Variants in FGF13 observed in about 807,000 individuals in gnomAD.
FGF13 encodes the protein fibroblast growth factor 13, also known as fibroblast growth factor homologous factor 2.
FGF13 carries 2 observed loss-of-function variants against 19.5 expected under a neutral mutation model. The ratio of observed to expected loss-of-function variants is 0.10; its 90% CI spans 0.04 to 0.32. The LOEUF (loss-of-function observed/expected upper bound fraction) is 0.32, where lower values mean the gene tolerates loss of function less well. Among genes scored for constraint, FGF13 ranks in the 10% least tolerant of loss-of-function variants. The probability of loss-of-function intolerance (pLI) is 1.00; values close to 1 mark genes in which losing one functional copy is unlikely to be tolerated. For synonymous variants in FGF13, 72 were observed against 76.9 expected, an observed-to-expected ratio of 0.94 and a Z score of 0.33; for missense variants, 113 against 192.7, an observed-to-expected ratio of 0.59 and a Z score of 2.45.
rs2089097247 is a variant in FGF13 at position 138,629,734 on chromosome X, C to T, written c.*3116G>A. 1 of 111,070 alleles carries T rather than the reference C, an allele frequency of 9.0e-6. No individual in the cohort carries two copies. Among genetic ancestry groups the T allele is most frequent in the South Asian group, 3.8e-4 (1 of 2,618 alleles). 9.2% of individuals were successfully genotyped at this position (111,070 alleles called of 1,213,427 possible). On this transcript the variant is annotated 3_prime_UTR_variant, in exon 5 of 5. Coordinates refer to ENST00000315930, the MANE Select transcript of FGF13 (RefSeq NM_004114.5). ...CTAATACCAGTGGTTCTCAAAGTCC[C>T]GAGGATCAACAGCCTCAGCATCACC... is the stretch of plus-strand genomic sequence containing the variant.
At chrX:139,075,257 C>G (rs191866408) in intron 1 of FGF13, among the ~76,000 whole-genome samples, 3,797 of 111,601 alleles carry the variant, frequency 0.034, 167 homozygotes, top group African/African-American at 0.12. Context: ...CTCCACTCCT[C>G]TGTTCCTTTG....
At chrX:139,143,920 G>A (rs769848613) in intron 1 of FGF13, among the ~76,000 whole-genome samples, 1 of 111,344 alleles carries the variant, frequency 9.0e-6, no homozygotes, top group South Asian at 3.9e-4. Flanking sequence ...AGGCCCAAAT[G>A]ACTGCCTTTC....
At chrX:138,662,616 C>G (rs983559960) in intron 3 of FGF13, among the ~76,000 whole-genome samples, 1 of 111,864 alleles carries the variant, frequency 8.9e-6, no homozygotes, top group Non-Finnish European at 1.9e-5. Context: ...AATGGCAAAT[C>G]TGACTCCAAA....
At chrX:139,103,566 T>C (rs928038775) in intron 1 of FGF13, among the ~76,000 whole-genome samples, 1 of 110,980 alleles carries the variant, frequency 9.0e-6, no homozygotes, top group African/African-American at 3.3e-5. Context: ...AGCTGAAGGG[T>C]TTGGGCTTCT....
chrX:138,810,836 A>T (rs2090916585), intron 3 of FGF13, among the ~76,000 whole-genome samples: 2 of 112,454 alleles, frequency 1.8e-5, no homozygotes, highest in Non-Finnish European at 3.8e-5. Context: ...CAACAGACAC[A>T]TGAAAAAATG....
At chrX:139,065,481 C>CAAA (rs767805587) in intron 1 of FGF13, among the ~76,000 whole-genome samples, 4 of 30,781 alleles carry the variant, frequency 1.3e-4, no homozygotes, top group African/African-American at 2.8e-4. Flanking sequence ...AAACGGAAAG[C>CAAA]AAAAAAAAAA....
At chrX:139,052,443 C>T (rs2072663297) in intron 1 of FGF13, among the ~76,000 whole-genome samples, 1 of 111,404 alleles carries the variant, frequency 9.0e-6, no homozygotes, top group Non-Finnish European at 1.9e-5. Context: ...CTTTACAGAT[C>T]TTTTTAAGAT....
intron 1 of FGF13, among the ~76,000 whole-genome samples, chrX:138,969,993 C>T (rs1313222337): frequency 9.0e-6 from 1 of 111,014 alleles, no homozygotes; most frequent in Non-Finnish European, 1.9e-5. Context: ...ATGTACACAC[C>T]CCGGATGCTA....
chrX:138,850,471 C>T (rs1189149148), intron 3 of FGF13, among the ~76,000 whole-genome samples: 1 of 111,609 alleles, frequency 9.0e-6, no homozygotes, highest in African/African-American at 3.3e-5. Context: ...ATAGTGTTTA[C>T]TCACTGCTAA....
chrX:138,811,010 G>A (rs1451306063), intron 3 of FGF13, among the ~76,000 whole-genome samples: 1 of 112,175 alleles, frequency 8.9e-6, no homozygotes, highest in East Asian at 2.8e-4. Flanking sequence ...CTGTAAACTA[G>A]TTCAACCATT....
intron 3 of FGF13, among the ~76,000 whole-genome samples, chrX:138,677,927 C>G (rs1469728656): frequency 1.8e-5 from 2 of 111,903 alleles, no homozygotes; most frequent in African/African-American, 6.5e-5. Context: ...TTGGAACCAA[C>G]CCAAATGTCC....
intron 1 of FGF13, among the ~76,000 whole-genome samples, chrX:138,977,215 A>T (rs2091943154): frequency 2.7e-5 from 3 of 111,967 alleles, no homozygotes; most frequent in Admixed American, 1.9e-4. Flanking sequence ...TCTGGCCGGT[A>T]CTTCTTCACA....
intron 1 of FGF13, among the ~76,000 whole-genome samples, chrX:139,065,508 A>C (rs1297463247): frequency 9.2e-6 from 1 of 109,083 alleles, no homozygotes; most frequent in Non-Finnish European, 1.9e-5. Context: ...AAAAGAAAAA[A>C]GAAAGGGGGG....
At chrX:138,641,707 C>T (rs1459693291) in intron 3 of FGF13, among the ~76,000 whole-genome samples, 1 of 111,692 alleles carries the variant, frequency 9.0e-6, no homozygotes, top group Non-Finnish European at 1.9e-5. Context: ...TTGATGTTCT[C>T]TTCCAGGGTA....
intron 2 of FGF13, among the ~76,000 whole-genome samples, chrX:138,706,379 C>T (rs769402139): frequency 5.4e-5 from 6 of 111,653 alleles, no homozygotes; most frequent in South Asian, 3.7e-4. Context: ...AATAAATCTA[C>T]GTAAGGTAAG....
intron 1 of FGF13, among the ~76,000 whole-genome samples, chrX:139,065,906 G>C (rs186312100): frequency 1.8e-5 from 2 of 111,331 alleles, no homozygotes; most frequent in East Asian, 5.7e-4. Flanking sequence ...TTCTAAAATT[G>C]CCCACATAAT....
chrX:139,106,852 G>A (rs2083563814), intron 1 of FGF13, among the ~76,000 whole-genome samples: 1 of 112,169 alleles, frequency 8.9e-6, no homozygotes, highest in African/African-American at 3.2e-5. Context: ...AGGAGACCAA[G>A]AAGATTCTAA....
chrX:139,011,146 G>A (rs1490977689), intron 1 of FGF13, among the ~76,000 whole-genome samples: 1 of 110,866 alleles, frequency 9.0e-6, no homozygotes, highest in African/African-American at 3.3e-5. Flanking sequence ...AAGCAGTGAG[G>A]TTGAAATGGT....
At chrX:138,963,316 T>A (rs1409345286) in intron 1 of FGF13, among the ~76,000 whole-genome samples, 2 of 113,024 alleles carry the variant, frequency 1.8e-5, no homozygotes, top group Non-Finnish European at 3.7e-5. Flanking sequence ...AAAAAGTTCA[T>A]GAGTGTCCCT....
Sources: gnomAD v4.1 joint callset for allele counts (sites outside exome capture counted in the v4.1 genomes callset) on GRCh38, gnomAD v4.1.1 for gene constraint, MANE v1.5 for transcripts, NCBI Gene and HGNC (gene_info 2026-07-23, HGNC 2026-07-21) for gene names.